TMEM248: variants seen among roughly 807,000 people sequenced by gnomAD.
The protein encoded by TMEM248 is UPF0458 protein C7orf42.
TMEM248 carries 9 observed loss-of-function variants against 30.3 expected under a neutral mutation model. The observed-to-expected ratio is 0.30, with a 90% confidence interval of 0.18 to 0.52. The LOEUF is 0.52. Ranked by LOEUF, TMEM248 falls within the 20% of genes least tolerant of loss-of-function variation. TMEM248 has a pLI of 0.97. For synonymous variants in TMEM248, 184 were observed against 154.4 expected (o/e 1.19, Z -1.42); for missense variants, 338 against 403.3 (o/e 0.84, Z 1.39).
chr7:66,945,045 C>T lies in TMEM248; in HGVS notation c.229C>T (p.His77Tyr). 1.2e-6 allele frequency: 2 copies of T among 1,614,220 alleles called. No homozygotes were observed. Among genetic ancestry groups the T allele is most frequent in the South Asian group, 1.1e-5 (1 of 91,084 alleles). ...TGTATCAGAGAATGAAACCCTCAAG[C>T]ATCTCACAAACGACACCACAACTCC... ...LCVSENETLK[H>Y]LTNDTTTPES... The change falls in exon 3 of 7, where the codon CAT becomes TAT. Residue 77 changes from histidine to tyrosine, a missense_variant. Coordinates refer to ENST00000341567, the MANE Select transcript of TMEM248 (RefSeq NM_017994.5).
intron 1 of TMEM248, among the ~76,000 whole-genome samples, chr7:66,929,157 G>T (rs1351604214): frequency 1.3e-5 from 2 of 152,138 alleles, no homozygotes; most frequent in Non-Finnish European, 2.9e-5. Context: ...TAATGCATGG[G>T]CTCTGGAGGC....
chr7:66,945,139 GC>G lies in TMEM248; in HGVS notation c.326del (p.Pro109ArgfsTer2), dbSNP rs1792062254. 2 of 1,614,070 alleles carry G rather than the reference GC, an allele frequency of 1.2e-6. No individual in the cohort carries two copies. The highest frequency in any genetic ancestry group is 1.7e-5 in the Admixed American group (1 of 59,994). The stretch of plus-strand genomic sequence containing the variant: ...TCCCCCCAGGCCCTGGAGGACTCGG[GC>G]CCGGTGAATATCTCAGTCTCAATCA... ...TQSPQALEDS[G>X]PVNISVSITL... On this transcript the variant is annotated frameshift_variant, in exon 3 of 7. Coordinates refer to ENST00000341567, the MANE Select transcript of TMEM248 (RefSeq NM_017994.5). LOFTEE classifies it high-confidence loss of function.
At chr7:66,951,164 G>A in intron 5 of TMEM248, 29 bp downstream of exon 5, 1 of 1,545,196 alleles carries the variant, frequency 6.5e-7, no homozygotes, top group Non-Finnish European at 8.7e-7. Flanking sequence ...GTGTGTGTGT[G>A]TGCGTGCATG....
chr7:66,943,065 A>G (rs1792005244), intron 2 of TMEM248, among the ~76,000 whole-genome samples: 1 of 151,630 alleles, frequency 6.6e-6, no homozygotes, highest in Admixed American at 6.6e-5. Flanking sequence ...CAGTTCAAGT[A>G]ACGAGTTTTA....
intron 4 of TMEM248, among the ~76,000 whole-genome samples, chr7:66,949,627 T>G (rs1000150065): frequency 6.6e-6 from 1 of 152,186 alleles, no homozygotes; most frequent in Non-Finnish European, 1.5e-5. Context: ...TTTTAAAATC[T>G]AACATTTTAA....
Position 66,953,951 on chromosome 7 carries a change from T to C in TMEM248, c.924+582T>C, listed in dbSNP as rs1035100499. Among the ~76,000 whole-genome samples the C allele has an allele frequency of 7.0e-4, 100 of 142,384 alleles. 2 individuals carry two copies. The highest frequency in any genetic ancestry group is 2.5e-3 in the African/African-American group (97 of 38,306). 93.4% of individuals were successfully genotyped at this position (142,384 alleles called of 152,430 possible). On this transcript the variant is annotated intron_variant, in intron 6 of 6. Coordinates refer to ENST00000341567, the MANE Select transcript of TMEM248 (RefSeq NM_017994.5). ...TCTAGATTACTTTCTTTTTTTTTTT[T>C]TTTTTTTTTTTTGAGAGAGTTTTGC...
At chr7:66,953,852 C>G (rs1446335340) in intron 6 of TMEM248, among the ~76,000 whole-genome samples, 3 of 151,848 alleles carry the variant, frequency 2.0e-5, no homozygotes, top group African/African-American at 4.8e-5. Flanking sequence ...GTGATCCACC[C>G]GCCTTGGCCT....
intron 3 of TMEM248, among the ~76,000 whole-genome samples, chr7:66,947,357 G>T (rs1459103931): frequency 6.6e-6 from 1 of 152,054 alleles, no homozygotes; most frequent in Non-Finnish European, 1.5e-5. Flanking sequence ...TTTCCATGTA[G>T]CAAGTGGACC....
At chr7:66,953,168 A>G in intron 5 of TMEM248, 58 bp from the exon 6 acceptor site, 2 of 1,583,666 alleles carry the variant, frequency 1.3e-6, no homozygotes, top group East Asian at 4.5e-5. Flanking sequence ...ACCCAGCATT[A>G]AAACCTTTCA....
At chr7:66,928,202 T>A (rs1013237359) in intron 1 of TMEM248, among the ~76,000 whole-genome samples, 25 of 151,868 alleles carry the variant, frequency 1.6e-4, no homozygotes, top group Admixed American at 9.2e-4. Flanking sequence ...GTGATGAGAG[T>A]GAAACTCAGT....
intron 1 of TMEM248, chr7:66,922,264 G>A (rs1791405231): frequency 6.6e-6 from 1 of 152,184 alleles, no homozygotes; most frequent in African/African-American, 2.4e-5. Flanking sequence ...GCTACGGGAG[G>A]GAATGGGAAG....
At chr7:66,938,789 A>C (rs992406629) in intron 1 of TMEM248, among the ~76,000 whole-genome samples, 1 of 152,264 alleles carries the variant, frequency 6.6e-6, no homozygotes, top group Non-Finnish European at 1.5e-5. Context: ...TACAGGCGTG[A>C]GCCACTGTGC....
chr7:66,925,400 A>G (rs1791497044), intron 1 of TMEM248, among the ~76,000 whole-genome samples: 1 of 152,112 alleles, frequency 6.6e-6, no homozygotes, highest in Non-Finnish European at 1.5e-5. Flanking sequence ...CGGACTTTGT[A>G]CCCTTTGACC....
At chr7:66,952,271 G>T (rs970942228) in intron 5 of TMEM248, among the ~76,000 whole-genome samples, 2 of 152,136 alleles carry the variant, frequency 1.3e-5, no homozygotes, top group African/African-American at 4.8e-5. Flanking sequence ...ATAAGGTTTC[G>T]ACATGTTGGC....
chr7:66,927,112 T>G (rs1428242973), intron 1 of TMEM248, among the ~76,000 whole-genome samples: 1 of 152,230 alleles, frequency 6.6e-6, no homozygotes, highest in Non-Finnish European at 1.5e-5. Context: ...GTGTTTAAGA[T>G]GGTTGGCAAT....
At chr7:66,944,928 G>A (rs1792052991) in intron 2 of TMEM248, 48 bp from the exon 3 acceptor site, 1 of 1,598,878 alleles carries the variant, frequency 6.3e-7, no homozygotes. Context: ...CGCAGTGGGA[G>A]ACAGGCGCTG....
chr7:66,949,840 C>G (rs544463821), intron 4 of TMEM248, among the ~76,000 whole-genome samples: 2 of 151,710 alleles, frequency 1.3e-5, no homozygotes, highest in South Asian at 2.1e-4. Context: ...TCTCTCCTGT[C>G]TCTATAAAGG....
rs758753584 is a variant in TMEM248 at position 66,941,944 on chromosome 7, G to C, written c.79G>C (p.Val27Leu). Reference protein sequence around the residue: ...RPPLVVFMISVSAMAIAFLTL... With the variant: ...RPPLVVFMISLSAMAIAFLTL... ...TCCCCTGGTGGTCTTCATGATCAGC[G>C]TAAGCGCCATGGCCATAGCTTTCCT... Residue 27 changes from valine to leucine, a missense_variant, in exon 2 of 7, where the codon GTA (valine) becomes CTA (leucine). Transcript: ENST00000341567. 6.2e-7 allele frequency: 1 copy of C among 1,614,132 alleles called. No individual in the cohort carries two copies. Among genetic ancestry groups the C allele is most frequent in the Admixed American group, 1.7e-5 (1 of 59,990 alleles).
intron 1 of TMEM248, among the ~76,000 whole-genome samples, chr7:66,937,854 G>A (rs191949026): frequency 8.5e-5 from 13 of 152,168 alleles, no homozygotes; most frequent in African/African-American, 3.1e-4. Flanking sequence ...GGGATTATAG[G>A]CATGCACCAC....
Sources: allele counts gnomAD v4.1 joint callset (sites outside exome capture counted in the v4.1 genomes callset), GRCh38; gene constraint gnomAD v4.1.1; transcripts MANE v1.5; gene names NCBI Gene and HGNC (gene_info 2026-07-23, HGNC 2026-07-21).